ZFHX3: variants seen among roughly 807,000 people sequenced by gnomAD.
The protein encoded by ZFHX3 is zinc finger homeobox protein 3.
A neutral mutation model predicts 279.1 loss-of-function variants in ZFHX3; 42 were observed. The observed-to-expected ratio is 0.15, with a 90% confidence interval of 0.12 to 0.19. ZFHX3 has a LOEUF of 0.19. ZFHX3 is among the 10% of genes least tolerant of loss of function. The pLI, the probability that ZFHX3 is intolerant of heterozygous loss-of-function variation, is 1.00. For missense variants in ZFHX3, 4,981 were observed against 4,754.0 expected (o/e 1.05, Z -1.40); for synonymous variants, 2,293 against 1,957.8 (o/e 1.17, Z -4.52).
chr16:72,976,273 G>A (rs562858344), intron 1 of ZFHX3, among the ~76,000 whole-genome samples: 6 of 152,288 alleles, frequency 3.9e-5, no homozygotes, highest in African/African-American at 1.4e-4. Flanking sequence ...TTTGGCAACT[G>A]TTCCTGCAGT....
chr16:73,528,159 T>A (rs1300647059), intron 2 of ZFHX3, among the ~76,000 whole-genome samples: 2 of 152,180 alleles, frequency 1.3e-5, no homozygotes, highest in African/African-American at 2.4e-5. Flanking sequence ...AGGATTTGGT[T>A]CTGTTCGTGG....
intron 1 of ZFHX3, among the ~76,000 whole-genome samples, chr16:73,785,149 T>A (rs1959606238): frequency 6.6e-6 from 1 of 152,194 alleles, no homozygotes; most frequent in Admixed American, 6.5e-5. Flanking sequence ...TATGTAACAG[T>A]TTTTAGTTAC....
At chr16:73,136,007 G>A (rs555590415) in intron 6 of ZFHX3, among the ~76,000 whole-genome samples, 28 of 152,134 alleles carry the variant, frequency 1.8e-4, no homozygotes, top group Admixed American at 5.2e-4. Context: ...ACAGGCACAC[G>A]CCACCATGCC....
intron 2 of ZFHX3, among the ~76,000 whole-genome samples, chr16:73,668,506 CTA>C (rs1380792349): frequency 1.3e-5 from 2 of 151,996 alleles, no homozygotes; most frequent in Non-Finnish European, 2.9e-5. Flanking sequence ...CTCCCTGTGT[CTA>C]TGTGTTCTCA....
chr16:72,787,299 G>C lies in ZFHX3; in HGVS notation c.10977C>G (p.Asp3659Glu), dbSNP rs2035432383. The change falls in exon 10 of 10, where the codon GAC (aspartate) becomes GAG (glutamate). Residue 3659 changes from aspartate (D) to glutamate (E), a missense_variant. Around this residue, in one of 7 missense-constraint regions of ZFHX3, gnomAD observed 1,034 missense variants for 786.0 expected, o/e 1.32. Transcript: ENST00000268489. ...GATCCGTGTCAGACTCCTCCGAATA[G>C]TCGTCTGTTGGCATCGAGGGCTGAA... is the stretch of plus-strand genomic sequence containing the variant. ...SGVQPSMPTD[D>E]YSEESDTDLS... is the part of the protein sequence containing the mutation. The C allele has an allele frequency of 1.9e-6, 3 of 1,613,900 alleles. No homozygotes were observed. Among genetic ancestry groups the C allele is most frequent in the Non-Finnish European group, 2.5e-6 (3 of 1,180,016 alleles).
chr16:73,368,978 C>G (rs2016576485), intron 3 of ZFHX3, among the ~76,000 whole-genome samples: 1 of 152,242 alleles, frequency 6.6e-6, no homozygotes, highest in African/African-American at 2.4e-5. Context: ...CTGTCACAGA[C>G]AGATACAATG....
At chr16:73,560,292 C>T (rs1224952799) in intron 2 of ZFHX3, among the ~76,000 whole-genome samples, 3 of 152,168 alleles carry the variant, frequency 2.0e-5, no homozygotes, top group Admixed American at 6.5e-5. Flanking sequence ...CTCCTTCCGC[C>T]GCTGACATAC....
At chr16:73,607,912 G>C (rs1440568598) in intron 2 of ZFHX3, among the ~76,000 whole-genome samples, 1 of 151,842 alleles carries the variant, frequency 6.6e-6, no homozygotes, top group Non-Finnish European at 1.5e-5. Context: ...ACTTCAAAAA[G>C]TACAAAAAAT....
intron 1 of ZFHX3, among the ~76,000 whole-genome samples, chr16:73,737,696 C>T (rs1218883150): frequency 1.3e-5 from 2 of 151,724 alleles, no homozygotes; most frequent in South Asian, 4.2e-4. Context: ...AAAAAAAAAT[C>T]CCACAAAGCT....
chr16:73,323,101 G>T (rs2015611435), intron 3 of ZFHX3, among the ~76,000 whole-genome samples: 1 of 152,170 alleles, frequency 6.6e-6, no homozygotes, highest in Non-Finnish European at 1.5e-5. Context: ...AACAAGAGTT[G>T]CTCTAGGTTG....
chr16:73,777,980 T>C (rs1849240), intron 1 of ZFHX3, among the ~76,000 whole-genome samples: 39,988 of 151,922 alleles, frequency 0.26, 6,084 homozygotes, highest in Admixed American at 0.33. Flanking sequence ...CACTGAGCCA[T>C]GTTCATGCCC....
chr16:73,732,760 G>T (rs1258154277), intron 1 of ZFHX3, among the ~76,000 whole-genome samples: 3 of 152,192 alleles, frequency 2.0e-5, no homozygotes, highest in Non-Finnish European at 4.4e-5. Flanking sequence ...AGGACAGTTT[G>T]TGGGGCACTC....
chr16:73,094,017 C>T (rs1305091301), intron 7 of ZFHX3, among the ~76,000 whole-genome samples: 32 of 152,134 alleles, frequency 2.1e-4, no homozygotes, highest in Admixed American at 2.1e-3. Context: ...CCTGGCAGGG[C>T]AAAGGCAGGA....
chr16:73,539,446 T>C (rs1302429594), intron 2 of ZFHX3, among the ~76,000 whole-genome samples: 1 of 138,836 alleles, frequency 7.2e-6, no homozygotes. Context: ...TTTTTTTTTT[T>C]TTTTTTTTTT....
intron 2 of ZFHX3, among the ~76,000 whole-genome samples, chr16:73,656,283 C>A (rs913169382): frequency 1.3e-5 from 2 of 152,170 alleles, no homozygotes; most frequent in African/African-American, 4.8e-5. Flanking sequence ...GATGTCAACT[C>A]CTAACTTAAA....
intron 5 of ZFHX3, among the ~76,000 whole-genome samples, chr16:73,158,185 T>C (rs1282894281): frequency 6.6e-6 from 1 of 152,180 alleles, no homozygotes; most frequent in Admixed American, 6.5e-5. Context: ...GCCCCGGCAT[T>C]TACCACTCTG....
chr16:72,817,575 C>T (rs1177922317), intron 5 of ZFHX3, among the ~76,000 whole-genome samples: 1 of 152,210 alleles, frequency 6.6e-6, no homozygotes, highest in Admixed American at 6.5e-5. Flanking sequence ...TCACTAAACA[C>T]ACCAGTGCGC....
rs2035412619 is a variant in ZFHX3 at position 72,787,041 on chromosome 16, TTTTTTTTTTTTTTTTG to T, written c.*107_*122del. On this transcript the variant is annotated 3_prime_UTR_variant, in exon 10 of 10. Transcript: ENST00000268489. ...AACCCACGCTTTTTCTTTTTTTTCT[TTTTTTTTTTTTTTTTG>T]TTTTTTGGTTAGAAGCTTTGGAATT... The T allele has an allele frequency of 2.0e-6, 1 of 493,250 alleles. No homozygotes were observed. The highest frequency in any genetic ancestry group is 2.7e-6 in the Non-Finnish European group (1 of 363,788). 30.6% of individuals were successfully genotyped at this position (493,250 alleles called of 1,614,324 possible). A position where few individuals can be genotyped will look rare whatever the true frequency, so the allele number is the denominator to read the frequency against.
At chr16:73,045,640 C>CATCATTATT (rs1488332893) in intron 1 of ZFHX3, among the ~76,000 whole-genome samples, 11 of 143,000 alleles carry the variant, frequency 7.7e-5, no homozygotes, top group Non-Finnish European at 1.7e-4. Context: ...CATGGATTTA[C>CATCATTATT]ATTATTATTA....
Sources: gnomAD v4.1 joint callset for allele counts (sites outside exome capture counted in the v4.1 genomes callset) on GRCh38, gnomAD v4.1.1 for gene constraint, gnomAD v4.1.1 regional missense constraint, MANE v1.5 for transcripts, NCBI Gene and HGNC (gene_info 2026-07-23, HGNC 2026-07-21) for gene names.